Variants in NR2C2 observed in about 807,000 individuals in gnomAD.
The protein encoded by NR2C2 is Nuclear hormone receptor TR4.
In NR2C2, 6 loss-of-function variants were observed where a neutral mutation model predicts 62.9. The observed-to-expected ratio is 0.10, with a 90% CI of 0.05 to 0.19. The LOEUF (loss-of-function observed/expected upper bound fraction) is 0.19, where lower values mean the gene tolerates loss of function less well. Among genes scored for constraint, NR2C2 ranks in the 10% least tolerant of loss-of-function variants. NR2C2 has a pLI of 1.00. For synonymous variants in NR2C2, 272 were observed against 273.8 expected (o/e 0.99, Z 0.07); for missense variants, 479 against 762.7 (o/e 0.63, Z 4.38).
rs1241844499 is a variant in NR2C2 at position 15,013,575 on chromosome 3, G to A, written c.73-14G>A. The A allele has an allele frequency of 6.2e-7, 1 of 1,613,054 alleles. No individual in the cohort carries two copies. The highest frequency in any genetic ancestry group is 8.5e-7 in the Non-Finnish European group (1 of 1,179,542). ...GACACTCCATGAGAGCAGCCTCCAT[G>A]TTGTGTCTTATAGATTGTCACAGAC... is the stretch of plus-strand genomic sequence containing the variant. On this transcript the variant is annotated splice_polypyrimidine_tract_variant and intron_variant, in intron 2 of 13. Coordinates refer to ENST00000425241, the MANE Select transcript of NR2C2 (RefSeq NM_001291694.2).
At chr3:15,029,380 T>C (rs1216476387) in intron 8 of NR2C2, among the ~76,000 whole-genome samples, 2 of 152,230 alleles carry the variant, frequency 1.3e-5, no homozygotes, top group Non-Finnish European at 2.9e-5. Context: ...AGGATGTTTC[T>C]TCTCTGCAGT....
chr3:14,958,905 G>A (rs2039606687), intron 1 of NR2C2, among the ~76,000 whole-genome samples: 1 of 152,248 alleles, frequency 6.6e-6, no homozygotes, highest in African/African-American at 2.4e-5. Context: ...GAACCAGGGA[G>A]TCGGAGGTTG....
intron 4 of NR2C2, among the ~76,000 whole-genome samples, chr3:15,018,372 T>G (rs114004469): frequency 1.3e-5 from 2 of 152,296 alleles, no homozygotes; most frequent in African/African-American, 2.4e-5. Flanking sequence ...AAAGGGTTAC[T>G]ACCCAGAACA....
chr3:14,972,779 G>T (rs1224540586), intron 1 of NR2C2, among the ~76,000 whole-genome samples: 3 of 152,170 alleles, frequency 2.0e-5, no homozygotes, highest in African/African-American at 7.2e-5. Flanking sequence ...TTTACTCATG[G>T]TGGCAGACAA....
chr3:14,980,423 A>G (rs115579872), intron 1 of NR2C2, among the ~76,000 whole-genome samples: 359 of 152,244 alleles, frequency 2.4e-3, no homozygotes, highest in Non-Finnish European at 4.0e-3. Context: ...TCGGCCTCCC[A>G]AAGTGTTAGG....
At position 15,039,101 on chromosome 3, in the gene NR2C2, GGGGTA is replaced by G; in HGVS notation, c.1511-20_1511-16del. On this transcript the variant is annotated splice_polypyrimidine_tract_variant and intron_variant, in intron 12 of 13. Coordinates refer to ENST00000425241, the MANE Select transcript of NR2C2 (RefSeq NM_001291694.2). ...TTTCAAATACAGAGGGAACTGGGGG[GGGGTA>G]CTTTTCTGTTTTCAGATCATCCAGG... 1 of 1,571,820 alleles carries G rather than the reference GGGGTA, an allele frequency of 6.4e-7. No individual in the cohort carries two copies. The highest frequency in any genetic ancestry group is 2.3e-5 in the East Asian group (1 of 44,430).
At chr3:15,008,777 A>G (rs1285228482) in intron 2 of NR2C2, among the ~76,000 whole-genome samples, 1 of 152,182 alleles carries the variant, frequency 6.6e-6, no homozygotes, top group East Asian at 1.9e-4. Context: ...GAAAATTCCC[A>G]CACTTTGCCA....
intron 1 of NR2C2, among the ~76,000 whole-genome samples, chr3:14,965,843 G>C (rs1240982247): frequency 6.6e-6 from 1 of 151,634 alleles, no homozygotes; most frequent in Admixed American, 6.6e-5. Context: ...TTTTGTATTT[G>C]TCGTAGAGAC....
chr3:14,999,891 T>C (rs539404161), intron 1 of NR2C2, among the ~76,000 whole-genome samples: 1 of 152,332 alleles, frequency 6.6e-6, no homozygotes, highest in Admixed American at 6.5e-5. Context: ...TGCAATTTTT[T>C]TAAGTTACAA....
chr3:14,972,407 T>C (rs2040069876), intron 1 of NR2C2, among the ~76,000 whole-genome samples: 1 of 152,016 alleles, frequency 6.6e-6, no homozygotes, highest in Non-Finnish European at 1.5e-5. Flanking sequence ...ACTCCTAACC[T>C]CAAGTGATCC....
At chr3:14,968,390 A>G (rs966621062) in intron 1 of NR2C2, among the ~76,000 whole-genome samples, 23 of 152,274 alleles carry the variant, frequency 1.5e-4, no homozygotes, top group African/African-American at 5.3e-4. Flanking sequence ...AAAAATGCTC[A>G]CCATCACTGG....
At chr3:15,025,827 A>G (rs2041807854) in intron 7 of NR2C2, 1 of 152,174 alleles carries the variant, frequency 6.6e-6, no homozygotes, top group Admixed American at 6.5e-5. Context: ...CTTCAACTTC[A>G]TTTCCTTCAA....
chr3:14,976,360 C>G (rs763299456), intron 1 of NR2C2, among the ~76,000 whole-genome samples: 3 of 152,134 alleles, frequency 2.0e-5, no homozygotes, highest in Non-Finnish European at 4.4e-5. Flanking sequence ...AATTATGATA[C>G]TATTACAGAT....
At position 15,048,657 on chromosome 3, in the gene NR2C2, A is replaced by G. The variant is rs1309052179; in HGVS notation, c.*5649A>G. ...AATTATTTTAATGACCATAGCATTCATGGACTCAAATGCTGCTGCCACACA... is the reference window on the plus strand; with the variant it reads ...AATTATTTTAATGACCATAGCATTCGTGGACTCAAATGCTGCTGCCACACA... On this transcript the variant is annotated 3_prime_UTR_variant, in exon 14 of 14. Transcript: ENST00000425241. 12 of 152,666 alleles carry G rather than the reference A, an allele frequency of 7.9e-5. No homozygotes were observed. Among genetic ancestry groups the G allele is most frequent in the African/African-American group, 1.7e-4 (7 of 41,456 alleles). 9.5% of individuals were successfully genotyped at this position (152,666 alleles called of 1,614,324 possible). A position where few individuals can be genotyped will look rare whatever the true frequency, so the allele number is the denominator to read the frequency against.
At chr3:15,027,721 C>T (rs546212223) in intron 7 of NR2C2, among the ~76,000 whole-genome samples, 4 of 152,246 alleles carry the variant, frequency 2.6e-5, no homozygotes, top group African/African-American at 9.6e-5. Context: ...CCTCAGCTTC[C>T]TAAGTAGCTG....
chr3:14,974,188 T>A (rs190009334), intron 1 of NR2C2, among the ~76,000 whole-genome samples: 231 of 152,360 alleles, frequency 1.5e-3, no homozygotes, highest in Non-Finnish European at 2.8e-3. Flanking sequence ...AGAACCTGTC[T>A]TTTTGTGACT....
intron 1 of NR2C2, among the ~76,000 whole-genome samples, chr3:14,977,776 G>C (rs980566535): frequency 6.6e-6 from 1 of 151,774 alleles, no homozygotes; most frequent in African/African-American, 2.4e-5. Flanking sequence ...ACCAGCCTGG[G>C]CAACATGGCG....
intron 9 of NR2C2, 80 bp from the exon 10 acceptor site, chr3:15,032,299 T>C (rs2042000060): frequency 1.3e-6 from 2 of 1,590,302 alleles, no homozygotes; most frequent in Non-Finnish European, 1.7e-6. Context: ...TATTGAAGCA[T>C]GACAGGGATA....
chr3:15,018,801 G>C (rs973757527), intron 4 of NR2C2, among the ~76,000 whole-genome samples: 3 of 152,048 alleles, frequency 2.0e-5, no homozygotes, highest in African/African-American at 7.3e-5. Context: ...TGGATCACCT[G>C]AGGTCAGGAG....
Sources: allele counts gnomAD v4.1 joint callset (sites outside exome capture counted in the v4.1 genomes callset), GRCh38; gene constraint gnomAD v4.1.1; transcripts MANE v1.5; gene names NCBI Gene and HGNC (gene_info 2026-07-23, HGNC 2026-07-21).